The following SENP2 variants were observed in gnomAD, a reference collection of about 807,000 sequenced individuals.
The protein encoded by SENP2 is SUMO specific peptidase 2.
In SENP2, 16 loss-of-function variants were observed where a neutral mutation model predicts 86.3. That is an observed-to-expected ratio of 0.19 (90% CI 0.13 to 0.28). The LOEUF is 0.28. Ranked by LOEUF, SENP2 falls within the 10% of genes least tolerant of loss-of-function variation. The pLI, the probability that SENP2 is intolerant of heterozygous loss-of-function variation, is 1.00. For synonymous variants in SENP2, 222 were observed against 238.7 expected (o/e 0.93, Z 0.64); for missense variants, 552 against 703.0 (o/e 0.79, Z 2.43).
intron 14 of SENP2, among the ~76,000 whole-genome samples, chr3:185,622,802 T>C (rs1471939127): frequency 2.0e-5 from 3 of 151,406 alleles, no homozygotes; most frequent in Non-Finnish European, 4.4e-5. Flanking sequence ...AAATTCATAC[T>C]TTATTACATT....
intron 12 of SENP2, among the ~76,000 whole-genome samples, chr3:185,618,049 A>G (rs921551897): frequency 3.2e-4 from 49 of 152,138 alleles, no homozygotes; most frequent in African/African-American, 1.1e-3. Context: ...GGTTCAAGCA[A>G]TTCTCCTACC....
In SENP2 at chr3:185,632,224, GTTTTTTTTTTTTGTTTTTTT is replaced by G. The variant is rs1712511336; in HGVS notation, c.*2392_*2411del. On this transcript the variant is annotated 3_prime_UTR_variant, in exon 17 of 17. Transcript: ENST00000296257. ...CATTAAAGCCAGTGGTTTTTTTTTT[GTTTTTTTTTTTTGTTTTTTT>G]TTTTTTTTTTTGCGACAGAGTCTCT... The G allele has an allele frequency of 2.8e-5, 2 of 71,902 alleles. No homozygotes were observed. The highest frequency in any genetic ancestry group is 1.5e-4 in the Admixed American group (1 of 6,670). The allele number at this position is 71,902 out of a possible 1,614,324, so 4.5% of individuals were successfully genotyped here.
chr3:185,587,500 C>T (rs1721824541), intron 1 of SENP2, among the ~76,000 whole-genome samples: 1 of 151,804 alleles, frequency 6.6e-6, no homozygotes, highest in Non-Finnish European at 1.5e-5. Flanking sequence ...ACCTCCTTAC[C>T]TAAAAATCTG....
Position 185,588,600 on chromosome 3 carries a change from G to C in SENP2, c.102-1514G>C, listed in dbSNP as rs114888987. ...TCTAATACATTAGTCTGAGAATGCA[G>C]GTTATTGATGAGATTGGTTGTTGGC... On this transcript the variant is annotated intron_variant, in intron 1 of 16. Transcript: ENST00000296257. Among the ~76,000 whole-genome samples, 683 of 152,306 alleles carry C rather than the reference G, an allele frequency of 4.5e-3. 5 individuals carry two copies. Among genetic ancestry groups the C allele is most frequent in the African/African-American group, 0.015 (639 of 41,562 alleles).
chr3:185,617,464 G>T lies in SENP2; in HGVS notation c.1111-16G>T. On this transcript the variant is annotated splice_polypyrimidine_tract_variant and intron_variant, in intron 11 of 16. Coordinates refer to ENST00000296257, the MANE Select transcript of SENP2 (RefSeq NM_021627.3). ...GTTCTATATTAAAATAGCAACTTCT[G>T]AACTTTCTAATTCAGGACATGGAAA... 3 of 1,592,954 alleles carry T rather than the reference G, an allele frequency of 1.9e-6. No homozygotes were observed. The South Asian group carries it at 3.5e-5, about 18-fold the overall frequency.
chr3:185,599,809 C>CTTTTTTTT (rs63047860), intron 4 of SENP2, among the ~76,000 whole-genome samples: 2 of 132,032 alleles, frequency 1.5e-5, no homozygotes, highest in South Asian at 2.4e-4. Context: ...TTCTTTCTTT[C>CTTTTTTTT]TTTTTTTTTT....
At chr3:185,621,726 G>C in intron 13 of SENP2, 100 bp from the exon 14 acceptor site, 1 of 662,662 alleles carries the variant, frequency 1.5e-6, no homozygotes, top group Non-Finnish European at 2.5e-6. Flanking sequence ...AATTTATATT[G>C]GTACATGTAT....
intron 9 of SENP2, 63 bp from the exon 10 acceptor site, chr3:185,613,282 C>T: frequency 2.2e-6 from 2 of 915,354 alleles, no homozygotes; most frequent in Non-Finnish European, 1.7e-6. Flanking sequence ...ATTTCTAAAA[C>T]TAGGATGTAC....
intron 15 of SENP2, among the ~76,000 whole-genome samples, chr3:185,624,946 C>T (rs1347657028): frequency 6.6e-6 from 1 of 151,736 alleles, no homozygotes; most frequent in African/African-American, 2.4e-5. Flanking sequence ...AAGGAAGAGT[C>T]TGTTAGGATG....
rs761134709 is a variant in SENP2 at position 185,599,031 on chromosome 3, T to C, written c.358+7T>C. 6.2e-7 allele frequency: 1 copy of C among 1,607,520 alleles called. No homozygotes were observed. ...AACAACATGCTGAAACTGGGTGAGGTGGTCAAAAATATTTCTGTTTCCCGC... is the reference window on the plus strand; with the variant it reads ...AACAACATGCTGAAACTGGGTGAGGCGGTCAAAAATATTTCTGTTTCCCGC... On this transcript the variant is annotated splice_region_variant and intron_variant, in intron 4 of 16. Transcript: ENST00000296257.
At chr3:185,616,111 T>C (rs1228236486) in intron 11 of SENP2, among the ~76,000 whole-genome samples, 1 of 146,718 alleles carries the variant, frequency 6.8e-6, no homozygotes, top group Non-Finnish European at 1.5e-5. Flanking sequence ...TCCGCCCGTC[T>C]TGGCTTCCCA....
chr3:185,616,108 G>A (rs1011771716), intron 11 of SENP2, among the ~76,000 whole-genome samples: 11 of 146,970 alleles, frequency 7.5e-5, no homozygotes, highest in African/African-American at 2.5e-4. Flanking sequence ...TGATCCGCCC[G>A]TCTTGGCTTC....
intron 5 of SENP2, among the ~76,000 whole-genome samples, chr3:185,604,777 A>G (rs942370311): frequency 6.7e-6 from 1 of 149,816 alleles, no homozygotes; most frequent in Non-Finnish European, 1.5e-5. Context: ...TTTTTTTGAG[A>G]TGGAGCCTTG....
At chr3:185,629,759 G>A (rs375718504) in intron 16 of SENP2, 23 bp from the exon 17 acceptor site, 136 of 1,613,266 alleles carry the variant, frequency 8.4e-5, no homozygotes, top group Middle Eastern at 8.2e-4. Flanking sequence ...TAATGCGGGC[G>A]TTGTTTATGG....
At chr3:185,602,102 T>C (rs1301471784) in intron 5 of SENP2, among the ~76,000 whole-genome samples, 1 of 152,228 alleles carries the variant, frequency 6.6e-6, no homozygotes, top group Non-Finnish European at 1.5e-5. Context: ...AAGCTGTTTA[T>C]TATTTTAAAA....
At chr3:185,587,984 C>T (rs1310021981) in intron 1 of SENP2, among the ~76,000 whole-genome samples, 3 of 150,794 alleles carry the variant, frequency 2.0e-5, no homozygotes, top group African/African-American at 4.9e-5. Context: ...CGTGATCCAC[C>T]CGCCTCAGCC....
chr3:185,608,700 G>A (rs1452506596), intron 6 of SENP2, among the ~76,000 whole-genome samples: 6 of 152,214 alleles, frequency 3.9e-5, no homozygotes, highest in African/African-American at 1.4e-4. Flanking sequence ...GATGTAGGCA[G>A]AAGGAATAAT....
chr3:185,621,723 A>G, intron 13 of SENP2, 103 bp from the exon 14 acceptor site: 1 of 639,152 alleles, frequency 1.6e-6, no homozygotes, highest in Non-Finnish European at 2.7e-6. Flanking sequence ...AAAAATTTAT[A>G]TTGGTACATG....
intron 2 of SENP2, among the ~76,000 whole-genome samples, chr3:185,591,586 C>T (rs1721999620): frequency 1.3e-5 from 2 of 152,030 alleles, no homozygotes; most frequent in African/African-American, 4.8e-5. Flanking sequence ...CTCCTGACTT[C>T]GTGATCCACC....
Sources: allele counts gnomAD v4.1 joint callset (sites outside exome capture counted in the v4.1 genomes callset), GRCh38; gene constraint gnomAD v4.1.1; transcripts MANE v1.5; gene names NCBI Gene and HGNC (gene_info 2026-07-23, HGNC 2026-07-21).